The following EFHC2 variants were observed in gnomAD, a reference collection of about 807,000 sequenced individuals.
The protein encoded by EFHC2 is EF-hand domain-containing family member C2.
Under a neutral mutation model 52.7 loss-of-function variants are expected in EFHC2, and 18 were observed. That is an observed-to-expected ratio of 0.34 (90% CI 0.24 to 0.51). The LOEUF (loss-of-function observed/expected upper bound fraction) is 0.51. Among genes scored for constraint, EFHC2 ranks in the 20% least tolerant of loss-of-function variants. The pLI is 0.97. For missense variants in EFHC2, 513 were observed against 562.5 expected, an observed-to-expected ratio of 0.91 and a Z score of 0.89; for synonymous variants, 203 against 204.1, an observed-to-expected ratio of 0.99 and a Z score of 0.04.
intron 7 of EFHC2, among the ~76,000 whole-genome samples, chrX:44,245,418 C>T (rs745512603): frequency 5.3e-5 from 6 of 112,409 alleles, no homozygotes; most frequent in Non-Finnish European, 1.1e-4. Flanking sequence ...CATTTGATCC[C>T]TGTCCTTTTA....
rs1217474972 is a variant in EFHC2 at position 44,148,838 on chromosome X, T to C, written c.2207A>G (p.Tyr736Cys). 4 of 1,187,439 alleles carry C rather than the reference T, an allele frequency of 3.4e-6. No homozygotes were observed. The highest frequency in any genetic ancestry group is 1.9e-5 in the South Asian group (1 of 53,348). Residue 736 changes from tyrosine to cysteine, a missense_variant, in exon 15 of 15, where the codon TAC (tyrosine) becomes TGC (cysteine). Physicochemically the swap from Tyr to Cys is radical, Grantham distance 194. Transcript: ENST00000420999. ...AAACGCGTCCTTCAAAAAGGTCCAG[T>C]AGTCAATGTATTTCGCAGGAATAGG... ...PSPIPAKYID[Y>C]WTFLKDAFGL...
intron 13 of EFHC2, among the ~76,000 whole-genome samples, chrX:44,171,235 C>T (rs1488696233): frequency 9.0e-6 from 1 of 111,232 alleles, no homozygotes; most frequent in African/African-American, 3.3e-5. Flanking sequence ...TTCATACTCC[C>T]CCTCCCCAAA....
At chrX:44,294,838 G>A (rs1214769472) in intron 2 of EFHC2, among the ~76,000 whole-genome samples, 1 of 112,092 alleles carries the variant, frequency 8.9e-6, no homozygotes, top group African/African-American at 3.2e-5. Context: ...TTGTAGCTCC[G>A]TATATATTGC....
chrX:44,270,314 AG>A (rs1360262226), intron 3 of EFHC2, among the ~76,000 whole-genome samples: 1 of 111,869 alleles, frequency 8.9e-6, no homozygotes, highest in Non-Finnish European at 1.9e-5. Flanking sequence ...TGAGCATTGA[AG>A]GAAGTCCTCT....
At chrX:44,260,584 C>T (rs2037530827) in intron 4 of EFHC2, among the ~76,000 whole-genome samples, 1 of 111,946 alleles carries the variant, frequency 8.9e-6, no homozygotes, top group South Asian at 3.7e-4. Flanking sequence ...CCTTATTCTT[C>T]CAGAGCATCT....
Position 44,261,087 on chromosome X carries a change from C to T in EFHC2, c.594G>A (p.Lys198=). 2 of 1,207,297 alleles carry T rather than the reference C, an allele frequency of 1.7e-6. No individual in the cohort carries two copies. The highest frequency in any genetic ancestry group is 1.1e-6 in the Non-Finnish European group (1 of 892,175). ...GTCAATTCCTTACCTCTCTCCGAAT[C>T]TTCATGTAAGGATCTTCTGGACATT... is the stretch of plus-strand genomic sequence containing the variant. ...PVQCPEDPYM[K]IRREVVEHVE... is the part of the protein sequence containing the mutation. The change falls in exon 4 of 15, where the codon AAG becomes AAA. Residue 198 remains lysine, a synonymous_variant. Transcript: ENST00000420999.
intron 11 of EFHC2, among the ~76,000 whole-genome samples, chrX:44,210,415 C>T (rs2037086715): frequency 1.8e-5 from 2 of 112,172 alleles, no homozygotes; most frequent in Admixed American, 1.9e-4. Flanking sequence ...GGAGCACTAA[C>T]ACTATCAGAT....
chrX:44,186,546 T>C (rs963756626), intron 11 of EFHC2, among the ~76,000 whole-genome samples: 1 of 111,631 alleles, frequency 9.0e-6, no homozygotes, highest in African/African-American at 3.3e-5. Flanking sequence ...TCCCACCTGT[T>C]TGGCTTTTTG....
intron 2 of EFHC2, among the ~76,000 whole-genome samples, chrX:44,276,126 T>C (rs753945514): frequency 9.0e-6 from 1 of 110,925 alleles, no homozygotes; most frequent in African/African-American, 3.3e-5. Context: ...CTAGAGGATA[T>C]AAAACCTTAG....
intron 1 of EFHC2, among the ~76,000 whole-genome samples, chrX:44,314,044 C>T (rs1193873069): frequency 1.8e-5 from 2 of 111,851 alleles, no homozygotes; most frequent in East Asian, 2.8e-4. Flanking sequence ...TTTCACGACA[C>T]ATATGTAAAG....
rs935449330 is a variant in EFHC2 at position 44,336,509 on chromosome X, C to T, written c.42+7038G>A. ...ATTTGGAATAACAGAAATTCTCAAT[C>T]ATTGCTGGTGGGAATGCAAAATGGT... On this transcript the variant is annotated intron_variant, in intron 1 of 14. Coordinates refer to ENST00000420999, the MANE Select transcript of EFHC2 (RefSeq NM_025184.4). Among the ~76,000 whole-genome samples, 12 of 111,801 alleles carry T rather than the reference C, an allele frequency of 1.1e-4. No individual in the cohort carries two copies. In the Admixed American group the frequency reaches 1.1e-3, roughly 11 times the overall value.
At chrX:44,269,356 ACT>A (rs1412407613) in intron 3 of EFHC2, among the ~76,000 whole-genome samples, 2 of 109,988 alleles carry the variant, frequency 1.8e-5, no homozygotes, top group Admixed American at 1.9e-4. Flanking sequence ...AGGTATCATG[ACT>A]CAACCACAGA....
intron 2 of EFHC2, among the ~76,000 whole-genome samples, chrX:44,291,178 C>T (rs924602514): frequency 9.0e-6 from 1 of 111,587 alleles, no homozygotes; most frequent in Non-Finnish European, 1.9e-5. Context: ...AATACCAATG[C>T]TCAAGTTATA....
intron 1 of EFHC2, among the ~76,000 whole-genome samples, chrX:44,316,510 C>G (rs2037983740): frequency 1.8e-5 from 2 of 111,692 alleles, no homozygotes; most frequent in African/African-American, 6.5e-5. Context: ...TGGGCTTCAT[C>G]AAAATTAGAA....
intron 1 of EFHC2, among the ~76,000 whole-genome samples, chrX:44,343,009 C>T (rs57394439): frequency 9.1e-5 from 10 of 110,399 alleles, no homozygotes; most frequent in Non-Finnish European, 1.7e-4. Context: ...CTGCCACCTA[C>T]CCCTCTTGAT....
chrX:44,262,512 CAAAAAAAAAA>C (rs749239313), intron 3 of EFHC2, among the ~76,000 whole-genome samples: 1 of 29,209 alleles, frequency 3.4e-5, no homozygotes, highest in African/African-American at 1.1e-4. Flanking sequence ...AGCCCTGTCT[CAAAAAAAAAA>C]AAAAAAAAAA....
chrX:44,159,388 C>G lies in EFHC2; in HGVS notation c.2148+4534G>C, dbSNP rs774371479. Reference sequence around the variant, plus strand: ...CCTGTATTCTACTGTATAAACTATTCAACATTGTGCTCAACCCCTTCATGC... The same window carrying G: ...CCTGTATTCTACTGTATAAACTATTGAACATTGTGCTCAACCCCTTCATGC... On this transcript the variant is annotated intron_variant, in intron 14 of 14. Transcript: ENST00000420999. Among the ~76,000 whole-genome samples the G allele has an allele frequency of 2.9e-4, 32 of 111,867 alleles. 1 individual carries two copies. The highest frequency in any genetic ancestry group is 5.4e-4 in the Non-Finnish European group (29 of 53,235).
chrX:44,207,394 C>T (rs944074734), intron 11 of EFHC2, among the ~76,000 whole-genome samples: 4 of 110,704 alleles, frequency 3.6e-5, no homozygotes, highest in African/African-American at 1.3e-4. Flanking sequence ...GCCTTTAATC[C>T]CAGCTACTCA....
At chrX:44,158,307 A>T (rs2036624364) in intron 14 of EFHC2, among the ~76,000 whole-genome samples, 1 of 111,585 alleles carries the variant, frequency 9.0e-6, no homozygotes, top group Non-Finnish European at 1.9e-5. Context: ...TGCTGATGAC[A>T]ATATGCAGCC....
Sources: gnomAD v4.1 joint callset for allele counts (sites outside exome capture counted in the v4.1 genomes callset) on GRCh38, gnomAD v4.1.1 for gene constraint, MANE v1.5 for transcripts, NCBI Gene and HGNC (gene_info 2026-07-23, HGNC 2026-07-21) for gene names.